Variants in CNTN5 observed in about 807,000 individuals in gnomAD.
CNTN5 encodes the protein contactin-5.
A neutral mutation model predicts 129.1 loss-of-function variants in CNTN5; 77 were observed. The observed-to-expected ratio is 0.60, with a 90% CI of 0.50 to 0.72. The LOEUF (loss-of-function observed/expected upper bound fraction) is 0.72. CNTN5 is among the 30% of genes least tolerant of loss of function. The pLI, the probability that CNTN5 is intolerant of heterozygous loss-of-function variation, is 0.00. For missense variants in CNTN5, 1,478 were observed against 1,328.8 expected (o/e 1.11, Z -1.75); for synonymous variants, 509 against 465.6 (o/e 1.09, Z -1.20).
intron 16 of CNTN5, among the ~76,000 whole-genome samples, chr11:100,250,124 T>A (rs994857153): frequency 7.2e-5 from 11 of 152,128 alleles, no homozygotes; most frequent in African/African-American, 2.4e-4. Flanking sequence ...ATAAGGATCA[T>A]CCTTATTATT....
chr11:99,423,452 A>C (rs986771192), intron 2 of CNTN5, among the ~76,000 whole-genome samples: 1 of 152,226 alleles, frequency 6.6e-6, no homozygotes, highest in Non-Finnish European at 1.5e-5. Flanking sequence ...AGCTTTATTT[A>C]GTTTCTAAAA....
chr11:100,077,671 A>G (rs1554999670), intron 13 of CNTN5, among the ~76,000 whole-genome samples: 1 of 151,962 alleles, frequency 6.6e-6, no homozygotes, highest in Non-Finnish European at 1.5e-5. Context: ...AAAATAAAAA[A>G]GAAGAAAAAA....
At chr11:100,000,955 C>T (rs1304113237) in intron 8 of CNTN5, among the ~76,000 whole-genome samples, 2 of 152,144 alleles carry the variant, frequency 1.3e-5, no homozygotes, top group African/African-American at 4.8e-5. Flanking sequence ...CTCGAGGCTG[C>T]ACGGAGAAGT....
chr11:100,162,781 G>A (rs189603371), intron 13 of CNTN5, among the ~76,000 whole-genome samples: 12 of 151,756 alleles, frequency 7.9e-5, no homozygotes, highest in African/African-American at 2.4e-4. Context: ...CATATTAATA[G>A]TAATGAGATC....
intron 13 of CNTN5, among the ~76,000 whole-genome samples, chr11:100,146,514 C>A (rs1591313051): frequency 6.6e-6 from 1 of 151,994 alleles, no homozygotes; most frequent in Admixed American, 6.6e-5. Flanking sequence ...TCTTAAGAAA[C>A]ATTCTCTCAT....
chr11:99,808,466 T>A (rs554686887), intron 3 of CNTN5, among the ~76,000 whole-genome samples: 2 of 152,200 alleles, frequency 1.3e-5, no homozygotes, highest in African/African-American at 4.8e-5. Context: ...AAATTTTCTT[T>A]TGATATCTTT....
intron 9 of CNTN5, among the ~76,000 whole-genome samples, chr11:100,057,715 A>C (rs922814348): frequency 6.6e-6 from 1 of 152,006 alleles, no homozygotes; most frequent in African/African-American, 2.4e-5. Context: ...TGCCCAAATC[A>C]TATTAGAACC....
chr11:99,165,961 T>C (rs1860846339), intron 1 of CNTN5, among the ~76,000 whole-genome samples: 1 of 152,198 alleles, frequency 6.6e-6, no homozygotes, highest in South Asian at 2.1e-4. Context: ...CACCTTTAAA[T>C]TTTGTATTAT....
chr11:99,950,217 G>A (rs779394665), intron 7 of CNTN5, among the ~76,000 whole-genome samples: 55 of 152,242 alleles, frequency 3.6e-4, no homozygotes, highest in South Asian at 1.5e-3. Context: ...AGTGGCTCAC[G>A]CCTGTAATCC....
At chr11:99,903,025 A>G (rs1949399580) in intron 6 of CNTN5, among the ~76,000 whole-genome samples, 1 of 152,164 alleles carries the variant, frequency 6.6e-6, no homozygotes, top group Non-Finnish European at 1.5e-5. Context: ...AATTATTCAG[A>G]TAGAACTGTT....
intron 1 of CNTN5, among the ~76,000 whole-genome samples, chr11:99,021,636 G>T (rs929207977): frequency 1.3e-5 from 2 of 152,158 alleles, no homozygotes; most frequent in Non-Finnish European, 2.9e-5. Flanking sequence ...TGGAAAATAG[G>T]ATGCCGTTCT....
At chr11:100,141,865 A>T (rs1946705527) in intron 13 of CNTN5, among the ~76,000 whole-genome samples, 1 of 152,078 alleles carries the variant, frequency 6.6e-6, no homozygotes. Flanking sequence ...GTAAAGCATT[A>T]TGTCTAGGTG....
intron 7 of CNTN5, among the ~76,000 whole-genome samples, chr11:99,947,567 A>G (rs552887855): frequency 5.3e-5 from 8 of 152,300 alleles, no homozygotes; most frequent in African/African-American, 1.2e-4. Flanking sequence ...TACATTGAAT[A>G]TAAGAATAAG....
chr11:99,990,447 T>TACACACACAC (rs774953191), intron 8 of CNTN5, among the ~76,000 whole-genome samples: 116 of 77,030 alleles, frequency 1.5e-3, no homozygotes, highest in African/African-American at 5.2e-3. Context: ...TTTTAGAATA[T>TACACACACAC]ATATATATAC....
intron 1 of CNTN5, among the ~76,000 whole-genome samples, chr11:99,307,968 T>C (rs999956151): frequency 1.3e-5 from 2 of 152,194 alleles, no homozygotes; most frequent in Non-Finnish European, 2.9e-5. Context: ...TTCATTGGCT[T>C]TCTATTTTCC....
chr11:99,659,057 G>A (rs1410930124), intron 3 of CNTN5, among the ~76,000 whole-genome samples: 1 of 151,986 alleles, frequency 6.6e-6, no homozygotes, highest in Non-Finnish European at 1.5e-5. Flanking sequence ...TTGGAGATGG[G>A]CACCTCACCC....
At chr11:99,771,817 A>C (rs563237173) in intron 3 of CNTN5, among the ~76,000 whole-genome samples, 3 of 152,010 alleles carry the variant, frequency 2.0e-5, no homozygotes, top group African/African-American at 4.8e-5. Context: ...AATGATGGCA[A>C]CTGCGTGAGG....
Position 99,981,098 on chromosome 11 carries a change from A to ATATATATATATATATATATATATATT in CNTN5, c.878-20930_878-20929insTATATATATATATATATATTTATATA, listed in dbSNP as rs1160392030. Reference sequence around the variant, plus strand: ...ATAGGATATATATATATATATATATATATATACACACACACACACATATAT... The same window carrying ATATATATATATATATATATATATATT: ...ATAGGATATATATATATATATATATATATATATATATATATATATATATATTTATATACACACACACACACATATAT... On this transcript the variant is annotated intron_variant, in intron 8 of 24. Coordinates refer to ENST00000524871, the MANE Select transcript of CNTN5 (RefSeq NM_014361.4). Among the ~76,000 whole-genome samples the ATATATATATATATATATATATATATT allele has an allele frequency of 1.1e-3, 65 of 60,644 alleles. 1 individual carries two copies. Among genetic ancestry groups the ATATATATATATATATATATATATATT allele is most frequent in the Admixed American group, 1.9e-3 (12 of 6,194 alleles). 39.8% of individuals were successfully genotyped at this position (60,644 alleles called of 152,430 possible). A position where few individuals can be genotyped will look rare whatever the true frequency, so the allele number is the denominator to read the frequency against.
chr11:100,085,662 T>C (rs1189799291), intron 13 of CNTN5, among the ~76,000 whole-genome samples: 1 of 152,042 alleles, frequency 6.6e-6, no homozygotes, highest in Non-Finnish European at 1.5e-5. Context: ...CATTACTTTA[T>C]TAAAGTCCTC....
Sources: gnomAD v4.1 joint callset for allele counts (sites outside exome capture counted in the v4.1 genomes callset) on GRCh38, gnomAD v4.1.1 for gene constraint, MANE v1.5 for transcripts, NCBI Gene and HGNC (gene_info 2026-07-23, HGNC 2026-07-21) for gene names.